The following EFCAB3 variants were observed in gnomAD, a reference collection of about 807,000 sequenced individuals.
The protein encoded by EFCAB3 is EF-hand calcium binding domain 3, also known as EF-hand calcium-binding domain-containing protein 3.
EFCAB3 carries 36 observed loss-of-function variants against 42.2 expected under a neutral mutation model. That is an observed-to-expected ratio of 0.85 (90% CI 0.65 to 1.13). The LOEUF is 1.13. Ranked by LOEUF, EFCAB3 falls within the 50% of genes most tolerant of loss-of-function variation. EFCAB3 has a pLI of 0.00. For synonymous variants in EFCAB3, 170 were observed against 172.8 expected, an observed-to-expected ratio of 0.98 and a Z score of 0.13; for missense variants, 418 against 505.1, an observed-to-expected ratio of 0.83 and a Z score of 1.65.
intron 8 of EFCAB3, among the ~76,000 whole-genome samples, chr17:62,410,477 G>A (rs1322291288): frequency 2.0e-5 from 3 of 152,028 alleles, no homozygotes; most frequent in Non-Finnish European, 4.4e-5. Context: ...GATAGGGCTG[G>A]GTATGGTAGC....
intron 3 of EFCAB3, among the ~76,000 whole-genome samples, chr17:62,390,193 G>T (rs1390651175): frequency 6.6e-6 from 1 of 152,178 alleles, no homozygotes; most frequent in African/African-American, 2.4e-5. Flanking sequence ...AACAGCAAAA[G>T]TTTATACAAC....
intron 2 of EFCAB3, among the ~76,000 whole-genome samples, chr17:62,385,347 G>T (rs1434826376): frequency 1.3e-5 from 2 of 152,122 alleles, no homozygotes; most frequent in South Asian, 4.1e-4. Context: ...GGAAACTGAG[G>T]TGGAAGGATC....
upstream of EFCAB3, chr17:62,377,906 C>T: frequency 7.5e-7 from 1 of 1,332,744 alleles, no homozygotes; most frequent in Non-Finnish European, 1.0e-6. Flanking sequence ...TTATGCCCTC[C>T]TAGTCTACTT....
chr17:62,412,725 G>A (rs1021333466), intron 8 of EFCAB3, among the ~76,000 whole-genome samples: 1 of 151,068 alleles, frequency 6.6e-6, no homozygotes, highest in African/African-American at 2.4e-5. Flanking sequence ...CTCCCAAAGT[G>A]CTGGAATCAC....
intron 2 of EFCAB3, among the ~76,000 whole-genome samples, chr17:62,384,665 G>A (rs972552148): frequency 1.3e-5 from 2 of 152,118 alleles, no homozygotes; most frequent in Non-Finnish European, 1.5e-5. Context: ...CTTTCCTCCT[G>A]CTTCTTGAGA....
intron 2 of EFCAB3, 101 bp downstream of exon 2, chr17:62,383,154 C>T: frequency 9.1e-7 from 1 of 1,102,956 alleles, no homozygotes; most frequent in African/African-American, 1.6e-5. Flanking sequence ...CCGATCTTTA[C>T]TGGGAAGCCC....
chr17:62,404,525 G>A (rs554899294), intron 6 of EFCAB3, among the ~76,000 whole-genome samples: 19 of 152,120 alleles, frequency 1.2e-4, no homozygotes, highest in Admixed American at 1.1e-3. Flanking sequence ...GGCTGGGCGC[G>A]GTGGCTCACG....
intron 2 of EFCAB3, among the ~76,000 whole-genome samples, chr17:62,384,349 T>C (rs890032824): frequency 6.6e-6 from 1 of 152,208 alleles, no homozygotes; most frequent in African/African-American, 2.4e-5. Flanking sequence ...AACTTTACAT[T>C]GCCTGGCCTA....
intron 2 of EFCAB3, 38 bp from the exon 3 acceptor site, chr17:62,387,302 T>C: frequency 6.6e-7 from 1 of 1,516,176 alleles, no homozygotes; most frequent in Non-Finnish European, 9.1e-7. Flanking sequence ...TGGTTTCACA[T>C]AGGTAGTAAA....
Position 62,412,883 on chromosome 17 carries a change from C to T in EFCAB3, c.868-849C>T, listed in dbSNP as rs181993011. On this transcript the variant is annotated intron_variant, in intron 8 of 9. Transcript: ENST00000305286. ...GTGGAGAATTTTAACTTAAGGAAAA[C>T]GTGACATTTCAACACAACAGGAAAA... is the stretch of plus-strand genomic sequence containing the variant. Among the ~76,000 whole-genome samples the T allele has an allele frequency of 4.3e-3, 648 of 151,786 alleles. 4 individuals carry two copies. Among genetic ancestry groups the T allele is most frequent in the Non-Finnish European group, 6.9e-3 (469 of 67,966 alleles).
intron 7 of EFCAB3, among the ~76,000 whole-genome samples, 175 bp downstream of exon 7, chr17:62,406,848 C>G (rs1056364399): frequency 7.5e-6 from 1 of 134,006 alleles, no homozygotes; most frequent in Non-Finnish European, 1.5e-5. Context: ...ACTGAATCCT[C>G]AGACACCTGA....
intron 2 of EFCAB3, among the ~76,000 whole-genome samples, chr17:62,386,022 C>T (rs938991106): frequency 4.6e-5 from 7 of 151,738 alleles, no homozygotes; most frequent in Non-Finnish European, 8.8e-5. Flanking sequence ...CCACCGCACC[C>T]GGCCTAGTTT....
At position 62,407,157 on chromosome 17, in the gene EFCAB3, A is replaced by G. The variant is rs765189507; in HGVS notation, c.812A>G (p.Glu271Gly). ...MQKLEMLRIK[E>G]PLHFFEDYFF... ...AAATTAGAGATGCTAAGAATAAAGG[A>G]GCCTTTGCATTTCTTTGAGGATTAT... is the stretch of plus-strand genomic sequence containing the variant. Residue 271 changes from glutamate to glycine, a missense_variant, in exon 8 of 10, where the codon GAG (glutamate) becomes GGG (glycine). Transcript: ENST00000305286. 1 of 1,607,976 alleles carries G rather than the reference A, an allele frequency of 6.2e-7. No homozygotes were observed. The highest frequency in any genetic ancestry group is 2.2e-5 in the East Asian group (1 of 44,766).
intron 6 of EFCAB3, among the ~76,000 whole-genome samples, chr17:62,398,993 G>T (rs2070378149): frequency 6.6e-6 from 1 of 151,910 alleles, no homozygotes; most frequent in African/African-American, 2.4e-5. Context: ...CTAATAACTG[G>T]TCTTCCTGCT....
chr17:62,402,331 A>C (rs2070411101), intron 6 of EFCAB3, among the ~76,000 whole-genome samples: 2 of 152,134 alleles, frequency 1.3e-5, no homozygotes, highest in African/African-American at 4.8e-5. Flanking sequence ...ACTATGTTGA[A>C]TAGGATTGGT....
At chr17:62,376,467 A>T (rs1212443370), upstream of EFCAB3, among the ~76,000 whole-genome samples, 2 of 152,194 alleles carry the variant, frequency 1.3e-5, no homozygotes, top group African/African-American at 2.4e-5. Flanking sequence ...CTGCCTAAAA[A>T]AACTTTTAAA....
At chr17:62,381,222 C>T (rs1038785234) in intron 1 of EFCAB3, among the ~76,000 whole-genome samples, 3 of 142,444 alleles carry the variant, frequency 2.1e-5, no homozygotes, top group African/African-American at 7.9e-5. Context: ...TTGTTCAATT[C>T]CCACCTATGA....
chr17:62,392,010 G>A, intron 4 of EFCAB3, 45 bp downstream of exon 4: 1 of 1,560,142 alleles, frequency 6.4e-7, no homozygotes, highest in African/African-American at 1.4e-5. Context: ...AAAGATTTTT[G>A]TGAATATATA....
chr17:62,406,249 A>G (rs2070446327), intron 6 of EFCAB3, among the ~76,000 whole-genome samples: 1 of 152,160 alleles, frequency 6.6e-6, no homozygotes, highest in Admixed American at 6.5e-5. Context: ...TTGGGGAAAA[A>G]AGGAGACCAA....
Sources: gnomAD v4.1 joint callset for allele counts (sites outside exome capture counted in the v4.1 genomes callset) on GRCh38, gnomAD v4.1.1 for gene constraint, MANE v1.5 for transcripts, NCBI Gene and HGNC (gene_info 2026-07-23, HGNC 2026-07-21) for gene names.